Variants in NRXN3 observed in about 807,000 individuals in gnomAD.
NRXN3 encodes the protein neurexin III.
Under a neutral mutation model 137.6 loss-of-function variants are expected in NRXN3, and 32 were observed. The observed-to-expected ratio is 0.23, with a 90% CI of 0.18 to 0.31. The LOEUF (loss-of-function observed/expected upper bound fraction) is 0.31, where lower values mean the gene tolerates loss of function less well. NRXN3 is among the 10% of genes least tolerant of loss of function. The pLI, the probability that NRXN3 is intolerant of heterozygous loss-of-function variation, is 1.00. For synonymous variants in NRXN3, 798 were observed against 784.5 expected (o/e 1.02, Z -0.29); for missense variants, 1,574 against 2,062.5 (o/e 0.76, Z 4.59).
At chr14:79,413,669 G>T (rs1013581369) in intron 15 of NRXN3, among the ~76,000 whole-genome samples, 3 of 151,924 alleles carry the variant, frequency 2.0e-5, no homozygotes, top group African/African-American at 4.8e-5. Context: ...TGACCTGCAG[G>T]TGTTCAAAAA....
chr14:79,389,799 C>G (rs974772536), intron 15 of NRXN3, among the ~76,000 whole-genome samples: 2 of 152,148 alleles, frequency 1.3e-5, no homozygotes, highest in African/African-American at 4.8e-5. Context: ...GTCTCTCTCT[C>G]TCTGATTAAT....
At chr14:79,301,832 T>C (rs2085193136) in intron 15 of NRXN3, among the ~76,000 whole-genome samples, 1 of 151,952 alleles carries the variant, frequency 6.6e-6, no homozygotes, top group Non-Finnish European at 1.5e-5. Context: ...GTTTAAGGGA[T>C]GCATTTGTGG....
chr14:78,181,444 G>C (rs990330184), intron 1 of NRXN3, among the ~76,000 whole-genome samples: 1 of 152,182 alleles, frequency 6.6e-6, no homozygotes, highest in African/African-American at 2.4e-5. Context: ...GGGTTGCCAT[G>C]GTCACCTGTT....
chr14:78,897,350 T>C (rs185645806), intron 10 of NRXN3, among the ~76,000 whole-genome samples: 1 of 151,888 alleles, frequency 6.6e-6, no homozygotes, highest in East Asian at 1.9e-4. Flanking sequence ...AGATATTGCT[T>C]TTTTTTTCTT....
chr14:78,752,242 T>C (rs1422201626), intron 8 of NRXN3, among the ~76,000 whole-genome samples: 2 of 151,980 alleles, frequency 1.3e-5, no homozygotes, highest in Non-Finnish European at 2.9e-5. Flanking sequence ...CCCTGTTTGG[T>C]TTCATCTCTA....
rs556206881 is a variant in NRXN3 at position 78,923,250 on chromosome 14, C to T, written c.2276-33992C>T. On this transcript the variant is annotated intron_variant, in intron 10 of 20. Transcript: ENST00000335750. Reference sequence around the variant, plus strand: ...ACACTTTTTGTTGTACATCTCTTTGCCCTCAGGCTAGCTACAGAAAGAAAA... The same window carrying T: ...ACACTTTTTGTTGTACATCTCTTTGTCCTCAGGCTAGCTACAGAAAGAAAA... Among the ~76,000 whole-genome samples, 5 of 152,248 alleles carry T rather than the reference C, an allele frequency of 3.3e-5. No homozygotes were observed. In the East Asian group the frequency reaches 9.7e-4, roughly 29 times the overall value.
intron 15 of NRXN3, among the ~76,000 whole-genome samples, chr14:79,111,558 G>A (rs2053521552): frequency 6.6e-6 from 1 of 152,064 alleles, no homozygotes; most frequent in Non-Finnish European, 1.5e-5. Context: ...GGTCAACATG[G>A]TGAAACCCCA....
At chr14:78,654,961 C>T (rs1165411552) in intron 6 of NRXN3, among the ~76,000 whole-genome samples, 3 of 152,134 alleles carry the variant, frequency 2.0e-5, no homozygotes, top group African/African-American at 7.2e-5. Flanking sequence ...TCTTCTCTGC[C>T]TCCCCCTGAG....
In NRXN3 at chr14:78,987,102, T is replaced by A. The variant is rs564944318; in HGVS notation, c.3143-920T>A. Among the ~76,000 whole-genome samples, 11 of 150,336 alleles carry A rather than the reference T, an allele frequency of 7.3e-5. No homozygotes were observed. In the South Asian group the frequency reaches 2.4e-3, roughly 32 times the overall value. On this transcript the variant is annotated intron_variant, in intron 14 of 20. Transcript: ENST00000335750. The stretch of plus-strand genomic sequence containing the variant: ...TGCTGTAGTGCAACGGCTTTCAAAC[T>A]TCAGACTGCATTTGAATGTCCTGGA...
intron 19 of NRXN3, among the ~76,000 whole-genome samples, chr14:79,780,156 T>C (rs1392334733): frequency 6.6e-6 from 1 of 151,942 alleles, no homozygotes; most frequent in African/African-American, 2.4e-5. Flanking sequence ...CTCTGGCCTT[T>C]GGGGAAAAAA....
chr14:79,815,703 T>C (rs1471810897), intron 20 of NRXN3, among the ~76,000 whole-genome samples: 2 of 152,158 alleles, frequency 1.3e-5, no homozygotes, highest in East Asian at 3.9e-4. Context: ...TTTGCAGTTT[T>C]CCAGTTTCTG....
At chr14:79,303,799 C>A (rs945423696) in intron 15 of NRXN3, among the ~76,000 whole-genome samples, 1 of 151,976 alleles carries the variant, frequency 6.6e-6, no homozygotes, top group African/African-American at 2.4e-5. Context: ...TTACAAAAGG[C>A]AAAGAGGGCT....
intron 1 of NRXN3, among the ~76,000 whole-genome samples, chr14:78,191,608 A>G (rs959198420): frequency 3.3e-5 from 5 of 152,112 alleles, no homozygotes; most frequent in Admixed American, 3.3e-4. Flanking sequence ...GGCCAGATAG[A>G]CTGGGAAAGC....
chr14:79,778,883 TGGTGAAGAGAAAGACTTTG>T (rs1484005508), intron 19 of NRXN3, among the ~76,000 whole-genome samples: 2 of 152,206 alleles, frequency 1.3e-5, no homozygotes, highest in African/African-American at 4.8e-5. Context: ...TGTAATATAG[TGGTGAAGAGAAAGACTTTG>T]GAATCTGATA....
intron 4 of NRXN3, among the ~76,000 whole-genome samples, chr14:78,559,441 G>T (rs575228447): frequency 6.6e-6 from 1 of 152,272 alleles, no homozygotes; most frequent in South Asian, 2.1e-4. Flanking sequence ...CTAAAACTCT[G>T]CTTCAATTCC....
intron 4 of NRXN3, among the ~76,000 whole-genome samples, chr14:78,587,016 A>G (rs1234416564): frequency 1.3e-5 from 2 of 152,194 alleles, no homozygotes; most frequent in African/African-American, 4.8e-5. Context: ...ACAGTCTTGA[A>G]TGAGAAGCTT....
intron 15 of NRXN3, among the ~76,000 whole-genome samples, chr14:79,008,338 G>T (rs906707469): frequency 6.6e-6 from 1 of 152,068 alleles, no homozygotes; most frequent in African/African-American, 2.4e-5. Context: ...CTTAACAAGC[G>T]TCAACATTTT....
chr14:78,978,901 G>A (rs1055877016), intron 14 of NRXN3, among the ~76,000 whole-genome samples: 2 of 151,780 alleles, frequency 1.3e-5, no homozygotes, highest in Non-Finnish European at 2.9e-5. Flanking sequence ...TAAAGCCCTG[G>A]GAATGGGGGT....
chr14:79,193,428 T>C (rs775981124), intron 15 of NRXN3, among the ~76,000 whole-genome samples: 8 of 152,254 alleles, frequency 5.3e-5, no homozygotes, highest in Non-Finnish European at 1.2e-4. Context: ...ACAAACAAGA[T>C]AGTGTCTTGG....
Sources: gnomAD v4.1 joint callset for allele counts (sites outside exome capture counted in the v4.1 genomes callset) on GRCh38, gnomAD v4.1.1 for gene constraint, MANE v1.5 for transcripts, NCBI Gene and HGNC (gene_info 2026-07-23, HGNC 2026-07-21) for gene names.